MEGF8: variants seen among roughly 807,000 people sequenced by gnomAD.
MEGF8 encodes the protein multiple epidermal growth factor-like domains protein 8.
A neutral mutation model predicts 302.9 loss-of-function variants in MEGF8; 156 were observed. That is an observed-to-expected ratio of 0.52 (90% confidence interval 0.45 to 0.59). The LOEUF is 0.59. MEGF8 is among the 20% of genes least tolerant of loss of function. The pLI, the probability that MEGF8 is intolerant of heterozygous loss-of-function variation, is 0.00. For synonymous variants in MEGF8, 1,621 were observed against 1,660.5 expected (o/e 0.98, Z 0.58); for missense variants, 3,345 against 3,964.5 (o/e 0.84, Z 4.20).
rs566750033 is a variant in MEGF8 at position 42,344,907 on chromosome 19, C to T, written c.2097+74C>T. ...AGGGTTTGTTTTTTCTCAAATGCAT[C>T]TTTATCACTCTTATGTTTACTCCAA... On this transcript the variant is annotated intron_variant, in intron 12 of 41. Coordinates refer to ENST00000251268, the MANE Select transcript of MEGF8 (RefSeq NM_001271938.2). This position sits in a 1 kb window ranked among gnomAD's most constrained non-coding sequence, Gnocchi z 4.5. The T allele has an allele frequency of 7.1e-7, 1 of 1,399,562 alleles. No homozygotes were observed. The highest frequency in any genetic ancestry group is 2.5e-5 in the East Asian group (1 of 40,344). 86.7% of individuals were successfully genotyped at this position (1,399,562 alleles called of 1,614,324 possible).
chr19:42,359,537 T>G (rs2039502190), intron 31 of MEGF8, among the ~76,000 whole-genome samples: 1 of 152,138 alleles, frequency 6.6e-6, no homozygotes, highest in African/African-American at 2.4e-5. Context: ...CTATTAGACA[T>G]GGGGGTGTTT....
Position 42,358,223 on chromosome 19 carries a change from G to A in MEGF8, c.5091G>A (p.Glu1697=), listed in dbSNP as rs1285658171. 1 of 1,601,326 alleles carries A rather than the reference G, an allele frequency of 6.2e-7. No individual in the cohort carries two copies. The highest frequency in any genetic ancestry group is 8.5e-7 in the Non-Finnish European group (1 of 1,174,734). ...TTGGGGGGTTCCGATTCCATGTGGA[G>A]CTGGCGGCCCCATCCCCCGAGCTCT... ...YVFGGFRFHV[E]LAAPSPELYS... Residue 1697 remains glutamate (E), a synonymous_variant, in exon 29 of 42, where the codon GAG becomes GAA. Coordinates refer to ENST00000251268, the MANE Select transcript of MEGF8 (RefSeq NM_001271938.2). The surrounding 1 kb of genome is among the most constrained non-coding windows in gnomAD (Gnocchi z 4.4).
chr19:42,369,202 G>A lies in MEGF8; in HGVS notation c.6641+200G>A, dbSNP rs910620143. Among the ~76,000 whole-genome samples the A allele has an allele frequency of 1.3e-5, 2 of 152,154 alleles. No individual in the cohort carries two copies. Among genetic ancestry groups the A allele is most frequent in the African/African-American group, 2.4e-5 (1 of 41,432 alleles). On this transcript the variant is annotated intron_variant, in intron 37 of 41. Transcript: ENST00000251268. This position sits in a 1 kb window ranked among gnomAD's most constrained non-coding sequence, Gnocchi z 5.7. ...AGTTTCATAGGGTACCCCAATGGCCGGGCACAGTGGCTGATGCCTGTAATC... is the reference window on the plus strand; with the variant it reads ...AGTTTCATAGGGTACCCCAATGGCCAGGCACAGTGGCTGATGCCTGTAATC...
chr19:42,357,372 C>A lies in MEGF8; in HGVS notation c.4831-32C>A, dbSNP rs778541121. The A allele has an allele frequency of 1.9e-6, 3 of 1,606,980 alleles. No individual in the cohort carries two copies. Among genetic ancestry groups the A allele is most frequent in the East Asian group, 2.2e-5 (1 of 44,788 alleles). On this transcript the variant is annotated intron_variant, in intron 27 of 41. Transcript: ENST00000251268. This position sits in a 1 kb window ranked among gnomAD's most constrained non-coding sequence, Gnocchi z 5.2. ...CACAAGGTGACCCCTGACCTCTAGC[C>A]CCATCGGTGACCTTGCCCCTCCATC...
rs537493862 is a variant in MEGF8 at position 42,352,634 on chromosome 19, C to A, written c.3350+178C>A. Among the ~76,000 whole-genome samples the A allele has an allele frequency of 6.6e-6, 1 of 152,328 alleles. No homozygotes were observed. Among genetic ancestry groups the A allele is most frequent in the East Asian group, 1.9e-4 (1 of 5,182 alleles). ...AGAGTGACAGGGTCCCCAGTGTAAC[C>A]CTGGTTACCATGGAAATGGGGCACC... On this transcript the variant is annotated intron_variant, in intron 19 of 41. Coordinates refer to ENST00000251268, the MANE Select transcript of MEGF8 (RefSeq NM_001271938.2). The surrounding 1 kb of genome is among the most constrained non-coding windows in gnomAD (Gnocchi z 4.4).
Position 42,356,738 on chromosome 19 carries a change from C to A in MEGF8, c.4623-36C>A. 6.6e-7 allele frequency: 1 copy of A among 1,521,546 alleles called. No homozygotes were observed. The allele number at this position is 1,521,546 out of a possible 1,614,324, so 94.3% of individuals were successfully genotyped here. A position where few individuals can be genotyped will look rare whatever the true frequency, so the allele number is the denominator to read the frequency against. ...GTCACCTTGAAGGATGCTGGGATGA[C>A]TGTAATGAGGCTGCTTTTTTGCACC... On this transcript the variant is annotated intron_variant, in intron 26 of 41. Transcript: ENST00000251268. The surrounding 1 kb of genome is among the most constrained non-coding windows in gnomAD (Gnocchi z 5.2).
intron 41 of MEGF8, among the ~76,000 whole-genome samples, chr19:42,373,891 T>G (rs1030152740): frequency 6.6e-6 from 1 of 151,716 alleles, no homozygotes; most frequent in Non-Finnish European, 1.5e-5. Context: ...TTTAAAAAAA[T>G]TTTAAAGACG....
Position 42,376,034 on chromosome 19 carries a change from C to T in MEGF8, c.7797C>T (p.Thr2599=). The T allele has an allele frequency of 6.2e-7, 1 of 1,604,224 alleles. No homozygotes were observed. Among genetic ancestry groups the T allele is most frequent in the Non-Finnish European group, 8.5e-7 (1 of 1,177,706 alleles). Residue 2599 remains threonine (T), a synonymous_variant, in exon 42 of 42, where the codon ACC becomes ACT. Transcript: ENST00000251268. The surrounding 1 kb of genome is among the most constrained non-coding windows in gnomAD (Gnocchi z 8.2). ...GCGTGCGGGACCGGCTGGTCATCAC[C>T]TACCCACACGAGCACCATGCCCTCA... ...VRGVRDRLVI[T]YPHEHHALKS...
intron 3 of MEGF8, among the ~76,000 whole-genome samples, chr19:42,334,459 A>G (rs2039097745): frequency 6.6e-6 from 1 of 151,022 alleles, no homozygotes; most frequent in Non-Finnish European, 1.5e-5. Flanking sequence ...CCCCACTCTC[A>G]TCTGTGAACA....
intron 3 of MEGF8, 61 bp downstream of exon 3, chr19:42,334,274 C>A: frequency 6.9e-7 from 1 of 1,444,866 alleles, no homozygotes; most frequent in Middle Eastern, 2.4e-4. Flanking sequence ...AGCCTCCACG[C>A]CCATCTCCTA....
chr19:42,351,774 A>C lies in MEGF8; in HGVS notation c.3101+13A>C. 1 of 1,559,536 alleles carries C rather than the reference A, an allele frequency of 6.4e-7. No homozygotes were observed. Among genetic ancestry groups the C allele is most frequent in the African/African-American group, 1.4e-5 (1 of 73,468 alleles). On this transcript the variant is annotated intron_variant, in intron 18 of 41. Transcript: ENST00000251268. The surrounding 1 kb of genome is among the most constrained non-coding windows in gnomAD (Gnocchi z 5.6). ...CCACACTGGGACGGTGAGCCCGGGC[A>C]GGTGGGTGGGCAGGGTGCCCGGCTG...
intron 2 of MEGF8, 33 bp from the exon 3 acceptor site, chr19:42,333,974 G>T: frequency 6.3e-7 from 1 of 1,597,956 alleles, no homozygotes. Flanking sequence ...CCCAGGCCCT[G>T]CCCACCTTAC....
rs993743833 is a variant in MEGF8, at chr19:42,375,058, C to T, written c.7270-449C>T. On this transcript the variant is annotated intron_variant, in intron 41 of 41. Transcript: ENST00000251268. This position sits in a 1 kb window ranked among gnomAD's most constrained non-coding sequence, Gnocchi z 7.1. ...AGGCAGGCGAGGCTGGCTGACCCTG[C>T]GCCGAGTGCCATGCACATGATCTCA... Among the ~76,000 whole-genome samples, 1 of 152,122 alleles carries T rather than the reference C, an allele frequency of 6.6e-6. No homozygotes were observed. The highest frequency in any genetic ancestry group is 1.9e-4 in the East Asian group (1 of 5,188).
intron 31 of MEGF8, among the ~76,000 whole-genome samples, chr19:42,359,630 T>C (rs920516717): frequency 6.6e-6 from 1 of 151,998 alleles, no homozygotes; most frequent in Non-Finnish European, 1.5e-5. Flanking sequence ...CTGTTGTGAG[T>C]GTGTTTCTGG....
rs947309637 is a variant in MEGF8 at position 42,368,009 on chromosome 19, A to G, written c.6274-446A>G. On this transcript the variant is annotated intron_variant, in intron 35 of 41. Coordinates refer to ENST00000251268, the MANE Select transcript of MEGF8 (RefSeq NM_001271938.2). This position sits in a 1 kb window ranked among gnomAD's most constrained non-coding sequence, Gnocchi z 4.9. ...CAGTCATGACTCATTGCAGCCTCAA[A>G]CTCCCGGGCTCAAAAAATCCTACCT... Among the ~76,000 whole-genome samples the G allele has an allele frequency of 6.6e-5, 10 of 151,710 alleles. No individual in the cohort carries two copies. Among genetic ancestry groups the G allele is most frequent in the African/African-American group, 1.9e-4 (8 of 41,244 alleles).
chr19:42,343,442 G>A, intron 8 of MEGF8, 35 bp from the exon 9 acceptor site: 1 of 1,558,850 alleles, frequency 6.4e-7, no homozygotes, highest in Non-Finnish European at 8.7e-7. Flanking sequence ...GGGGCTGGGG[G>A]TCTAATAATG....
At chr19:42,347,368 G>A (rs2039305624) in intron 12 of MEGF8, among the ~76,000 whole-genome samples, 1 of 147,620 alleles carries the variant, frequency 6.8e-6, no homozygotes, top group African/African-American at 2.5e-5. Context: ...CCAGGCTGGA[G>A]TGCAGTGGCA....
At position 42,344,532 on chromosome 19, in the gene MEGF8, G is replaced by T; in HGVS notation, c.1880G>T (p.Gly627Val). The change falls in exon 11 of 42, where the codon GGA (glycine) becomes GTA (valine). Residue 627 changes from glycine to valine, a missense_variant. Transcript: ENST00000251268. The surrounding 1 kb of genome is among the most constrained non-coding windows in gnomAD (Gnocchi z 4.5). Reference sequence around the variant, plus strand: ...AGCAGCCCCACAGCCCCTCCACGGGGACCTGGCACCCTGGGCTGGTGCGTG... The same window carrying T: ...AGCAGCCCCACAGCCCCTCCACGGGTACCTGGCACCCTGGGCTGGTGCGTG... ...AFSSPTAPPR[G>V]PGTLGWCVHN... The T allele has an allele frequency of 6.2e-7, 1 of 1,600,200 alleles. No individual in the cohort carries two copies. Among genetic ancestry groups the T allele is most frequent in the South Asian group, 1.1e-5 (1 of 90,932 alleles).
chr19:42,372,353 T>C (rs1444236753), intron 41 of MEGF8, among the ~76,000 whole-genome samples: 1 of 152,192 alleles, frequency 6.6e-6, no homozygotes, highest in African/African-American at 2.4e-5. Flanking sequence ...ATTTCCCTTT[T>C]TCTTCTGCAC....
Sources: gnomAD v4.1 joint callset for allele counts (sites outside exome capture counted in the v4.1 genomes callset) on GRCh38, gnomAD v4.1.1 for gene constraint, Gnocchi (gnomAD v3.1) non-coding constraint, MANE v1.5 for transcripts, NCBI Gene and HGNC (gene_info 2026-07-23, HGNC 2026-07-21) for gene names.